Variants in PPARGC1A observed in about 807,000 individuals in gnomAD.
PPARGC1A encodes PPARG coactivator 1 alpha.
In PPARGC1A, 25 loss-of-function variants were observed where a neutral mutation model predicts 88.7. That is an observed-to-expected ratio of 0.28 (90% CI 0.21 to 0.39). The LOEUF is 0.39. PPARGC1A is among the 10% of genes least tolerant of loss of function. PPARGC1A has a pLI of 1.00. For synonymous variants in PPARGC1A, 363 were observed against 355.6 expected, an observed-to-expected ratio of 1.02 and a Z score of -0.24; for missense variants, 880 against 968.7, an observed-to-expected ratio of 0.91 and a Z score of 1.22.
the PPARGC1A span, among the ~76,000 whole-genome samples, chr4:24,429,547 G>T: frequency 6.6e-6 from 1 of 152,020 alleles, no homozygotes; most frequent in South Asian, 2.1e-4. Flanking sequence ...TTGAAGCTAG[G>T]ACATGAAAAA....
the PPARGC1A span, among the ~76,000 whole-genome samples, chr4:24,374,175 G>C: frequency 6.6e-6 from 1 of 152,164 alleles, no homozygotes; most frequent in Non-Finnish European, 1.5e-5. Flanking sequence ...GGGAGGGACA[G>C]ATTTTTCCAT....
the PPARGC1A span, among the ~76,000 whole-genome samples, chr4:24,019,131 C>T: frequency 2.0e-5 from 3 of 152,106 alleles, no homozygotes; most frequent in African/African-American, 7.2e-5. Context: ...AGCCCTTGTA[C>T]CTATATGCTA....
At chr4:24,216,954 T>C in the PPARGC1A span, among the ~76,000 whole-genome samples, 1 of 152,124 alleles carries the variant, frequency 6.6e-6, no homozygotes. Flanking sequence ...AAAGACCACA[T>C]AAGAGATAAC....
chr4:24,140,936 G>C, the PPARGC1A span, among the ~76,000 whole-genome samples: 2 of 152,160 alleles, frequency 1.3e-5, no homozygotes, highest in African/African-American at 4.8e-5. Context: ...TGCCAAGAGT[G>C]CTCTTGGCAA....
the PPARGC1A span, among the ~76,000 whole-genome samples, chr4:24,287,998 TC>T: frequency 6.6e-6 from 1 of 151,906 alleles, no homozygotes; most frequent in Non-Finnish European, 1.5e-5. Flanking sequence ...CCTCTCTCCC[TC>T]CCCCTCACCC....
At chr4:24,054,890 T>C in the PPARGC1A span, among the ~76,000 whole-genome samples, 249 of 152,342 alleles carry the variant, frequency 1.6e-3, no homozygotes, top group Non-Finnish European at 2.7e-3. Context: ...ATAATAATCA[T>C]AGTAGCAGCA....
rs1324751832 is a variant in PPARGC1A at position 23,792,520 on chromosome 4, T to G, written c.*3302A>C. ...AAAGTTCCCTCTCTGCTGCTTTGAA[T>G]GTTGACAGCCCAACTGTTGTTCTCG... On this transcript the variant is annotated 3_prime_UTR_variant, in exon 13 of 13. Transcript: ENST00000264867. 6.6e-6 allele frequency: 1 copy of G among 151,570 alleles called. No homozygotes were observed. Among genetic ancestry groups the G allele is most frequent in the Non-Finnish European group, 1.5e-5 (1 of 67,850 alleles). The allele number at this position is 151,570 out of a possible 1,614,324, so 9.4% of individuals were successfully genotyped here.
chr4:23,814,625 A>G lies in PPARGC1A; in HGVS notation c.878-20T>C. ...TTAGGCCTAAGGCAAAAATTAAAAA[A>G]AAAAAAAAAAAGAGAGAGAAAGAAA... On this transcript the variant is annotated intron_variant, in intron 7 of 12. Transcript: ENST00000264867. 1 of 1,475,622 alleles carries G rather than the reference A, an allele frequency of 6.8e-7. No individual in the cohort carries two copies. Among genetic ancestry groups the G allele is most frequent in the Non-Finnish European group, 9.1e-7 (1 of 1,104,654 alleles). The allele number at this position is 1,475,622 out of a possible 1,614,324, so 91.4% of individuals were successfully genotyped here.
At chr4:24,214,603 C>G in the PPARGC1A span, among the ~76,000 whole-genome samples, 1 of 152,140 alleles carries the variant, frequency 6.6e-6, no homozygotes, top group Non-Finnish European at 1.5e-5. Flanking sequence ...CAAAGATTCC[C>G]AGAGTCCTCT....
intron 2 of PPARGC1A, among the ~76,000 whole-genome samples, chr4:23,870,655 A>C (rs917163345): frequency 2.6e-5 from 4 of 152,212 alleles, no homozygotes; most frequent in Admixed American, 2.0e-4. Context: ...GGGGTGAAGA[A>C]GTGTATCTGG....
At chr4:24,196,485 C>A in the PPARGC1A span, among the ~76,000 whole-genome samples, 1 of 152,102 alleles carries the variant, frequency 6.6e-6, no homozygotes, top group African/African-American at 2.4e-5. Context: ...AACAATTACC[C>A]AAGATAAGCC....
At chr4:24,069,053 A>T in the PPARGC1A span, among the ~76,000 whole-genome samples, 1 of 152,204 alleles carries the variant, frequency 6.6e-6, no homozygotes, top group Non-Finnish European at 1.5e-5. Flanking sequence ...TAAGCATTTA[A>T]TATGTGCCAC....
the PPARGC1A span, among the ~76,000 whole-genome samples, chr4:24,294,601 A>C: frequency 6.6e-6 from 1 of 152,152 alleles, no homozygotes. Context: ...ACTCCCAAAA[A>C]ACAAGTTTGC....
At chr4:24,002,439 C>T in the PPARGC1A span, among the ~76,000 whole-genome samples, 3 of 152,176 alleles carry the variant, frequency 2.0e-5, no homozygotes, top group Non-Finnish European at 4.4e-5. Flanking sequence ...CCTCTCTATG[C>T]TTTAAAAATT....
At chr4:24,099,287 CAAA>C in the PPARGC1A span, among the ~76,000 whole-genome samples, 16 of 66,978 alleles carry the variant, frequency 2.4e-4, no homozygotes, top group African/African-American at 4.8e-4. Flanking sequence ...CTCCCTCCTG[CAAA>C]AAAAAAAAAA....
chr4:24,137,219 A>C, the PPARGC1A span, among the ~76,000 whole-genome samples: 2 of 152,068 alleles, frequency 1.3e-5, no homozygotes, highest in African/African-American at 4.8e-5. Context: ...ACACAGACAC[A>C]CAGAAGGATG....
the PPARGC1A span, among the ~76,000 whole-genome samples, chr4:23,970,069 T>G: frequency 2.0e-5 from 3 of 152,228 alleles, no homozygotes; most frequent in Non-Finnish European, 1.5e-5. Context: ...GTTTAGAGTA[T>G]GACTACCCCA....
chr4:24,263,158 T>A, the PPARGC1A span, among the ~76,000 whole-genome samples: 2 of 152,190 alleles, frequency 1.3e-5, no homozygotes, highest in African/African-American at 4.8e-5. Context: ...TTACTGTAGG[T>A]TCACAGTAGT....
intron 12 of PPARGC1A, among the ~76,000 whole-genome samples, chr4:23,798,476 G>T (rs960039805): frequency 6.6e-6 from 1 of 152,084 alleles, no homozygotes; most frequent in Non-Finnish European, 1.5e-5. Flanking sequence ...ATGTGGGAAC[G>T]ATTTATCAAT....
Sources: allele counts gnomAD v4.1 joint callset (sites outside exome capture counted in the v4.1 genomes callset), GRCh38; gene constraint gnomAD v4.1.1; transcripts MANE v1.5; gene names NCBI Gene and HGNC (gene_info 2026-07-23, HGNC 2026-07-21).